Variants in ZC3H12B observed in about 807,000 individuals in gnomAD.
The protein encoded by ZC3H12B is probable ribonuclease ZC3H12B.
In ZC3H12B, 7 loss-of-function variants were observed where a neutral mutation model predicts 43.9. That is an observed-to-expected ratio of 0.16 (90% CI 0.09 to 0.30). The LOEUF (loss-of-function observed/expected upper bound fraction) is 0.30, where lower values mean the gene tolerates loss of function less well. Ranked by LOEUF, ZC3H12B falls within the 10% of genes least tolerant of loss-of-function variation. The probability of loss-of-function intolerance (pLI) is 1.00; values close to 1 mark genes in which losing one functional copy is unlikely to be tolerated. For missense variants in ZC3H12B, 475 were observed against 670.2 expected (o/e 0.71, Z 3.22); for synonymous variants, 222 against 241.7 (o/e 0.92, Z 0.76).
the ZC3H12B span, among the ~76,000 whole-genome samples, chrX:65,048,183 A>G: frequency 2.7e-5 from 3 of 111,290 alleles, no homozygotes; most frequent in Non-Finnish European, 5.7e-5. Context: ...TTCATTTAGC[A>G]TAAAGTCCTC....
intron 3 of ZC3H12B, chrX:65,408,117 A>C: frequency 1.7e-6 from 2 of 1,198,553 alleles, no homozygotes; most frequent in African/African-American, 3.5e-5. Context: ...ACGCCGCACC[A>C]GGCTGCAGGC....
the ZC3H12B span, among the ~76,000 whole-genome samples, chrX:65,155,593 C>CA: frequency 8.9e-6 from 1 of 111,788 alleles, no homozygotes; most frequent in Non-Finnish European, 1.9e-5. Flanking sequence ...TGGCTTATGC[C>CA]TGTAATCCCA....
At chrX:65,134,379 C>T in the ZC3H12B span, among the ~76,000 whole-genome samples, 2 of 111,494 alleles carry the variant, frequency 1.8e-5, no homozygotes, top group Non-Finnish European at 3.8e-5. Flanking sequence ...TAAACACCAA[C>T]AGAACACTGT....
intron 3 of ZC3H12B, chrX:65,469,367 C>A: frequency 4.8e-6 from 2 of 415,469 alleles, no homozygotes; most frequent in Non-Finnish European, 8.9e-6. Context: ...CCAAAGGCAG[C>A]ATTTTGCTGA....
At chrX:65,312,390 C>T in the ZC3H12B span, among the ~76,000 whole-genome samples, 1 of 110,001 alleles carries the variant, frequency 9.1e-6, no homozygotes, top group Non-Finnish European at 1.9e-5. Context: ...AAGGAATCAC[C>T]GAGGTTCTAT....
the ZC3H12B span, chrX:65,328,550 T>C: frequency 5.1e-6 from 1 of 194,674 alleles, no homozygotes; most frequent in East Asian, 1.5e-4. Context: ...CACATTGTCT[T>C]TATTTGTCTT....
chrX:65,132,000 G>A, the ZC3H12B span, among the ~76,000 whole-genome samples: 1 of 111,878 alleles, frequency 8.9e-6, no homozygotes, highest in Non-Finnish European at 1.9e-5. Context: ...GAAGTAATGA[G>A]GGCTGTCCCT....
the ZC3H12B span, among the ~76,000 whole-genome samples, chrX:65,040,793 G>C: frequency 9.0e-6 from 1 of 111,196 alleles, no homozygotes; most frequent in Admixed American, 9.5e-5. Flanking sequence ...TGTTTTGGGA[G>C]GGGGGAGTTG....
At chrX:65,160,369 C>T in the ZC3H12B span, among the ~76,000 whole-genome samples, 13 of 111,435 alleles carry the variant, frequency 1.2e-4, no homozygotes, top group East Asian at 8.5e-4. Context: ...TGGTAGAATT[C>T]GGCTGTGAAT....
the ZC3H12B span, among the ~76,000 whole-genome samples, chrX:65,131,080 T>A: frequency 5.3e-5 from 6 of 112,220 alleles, no homozygotes; most frequent in South Asian, 2.2e-3. Flanking sequence ...GGAAGGCATA[T>A]TTAGAGTCAG....
chrX:65,270,396 G>T, the ZC3H12B span, among the ~76,000 whole-genome samples: 8 of 111,606 alleles, frequency 7.2e-5, no homozygotes, highest in Non-Finnish European at 5.6e-5. Context: ...ATGGATAAAA[G>T]ACCTAAATGT....
chrX:65,459,345 T>C (rs1342610291), intron 3 of ZC3H12B, among the ~76,000 whole-genome samples: 1 of 112,053 alleles, frequency 8.9e-6, no homozygotes, highest in East Asian at 2.8e-4. Flanking sequence ...GAATCCTCCC[T>C]AACTCATTTT....
At chrX:65,103,692 A>G in the ZC3H12B span, among the ~76,000 whole-genome samples, 1 of 111,670 alleles carries the variant, frequency 9.0e-6, no homozygotes. Context: ...TTCAAAATTT[A>G]TGTTCTTCTG....
At chrX:65,454,109 G>A (rs773550875) in intron 3 of ZC3H12B, among the ~76,000 whole-genome samples, 1 of 112,620 alleles carries the variant, frequency 8.9e-6, no homozygotes, top group Non-Finnish European at 1.9e-5. Flanking sequence ...GAGGTACCAG[G>A]TGCATCTCAC....
chrX:65,130,215 C>A, the ZC3H12B span, among the ~76,000 whole-genome samples: 4 of 110,842 alleles, frequency 3.6e-5, no homozygotes, highest in African/African-American at 1.3e-4. Flanking sequence ...AGATTGAAGA[C>A]AGTAAGGGGT....
the ZC3H12B span, among the ~76,000 whole-genome samples, chrX:65,273,485 A>G: frequency 2.7e-5 from 3 of 111,330 alleles, no homozygotes; most frequent in East Asian, 5.6e-4. Context: ...TATATGCATA[A>G]TGGAGTCCCA....
chrX:65,155,211 G>A, the ZC3H12B span, among the ~76,000 whole-genome samples: 3 of 110,150 alleles, frequency 2.7e-5, no homozygotes, highest in South Asian at 8.0e-4. Context: ...GCCCACCTTG[G>A]CCTCCCAAAA....
the ZC3H12B span, among the ~76,000 whole-genome samples, chrX:65,267,509 G>GA: frequency 2.3e-3 from 255 of 109,428 alleles, 3 homozygotes; most frequent in African/African-American, 7.6e-3. Context: ...GGGAAAAAAG[G>GA]AAAAAAAATG....
chrX:65,248,288 C>T, the ZC3H12B span, among the ~76,000 whole-genome samples: 1 of 111,050 alleles, frequency 9.0e-6, no homozygotes, highest in Non-Finnish European at 1.9e-5. Context: ...CCTTAGCCTC[C>T]CAAAGTGCTG....
Sources: allele counts gnomAD v4.1 joint callset (sites outside exome capture counted in the v4.1 genomes callset), GRCh38; gene constraint gnomAD v4.1.1; transcripts MANE v1.5; gene names NCBI Gene and HGNC (gene_info 2026-07-23, HGNC 2026-07-21).